Variants in NCAPD3 observed in about 807,000 individuals in gnomAD.
NCAPD3 encodes the protein condensin-2 complex subunit D3.
NCAPD3 carries 105 observed loss-of-function variants against 182.9 expected under a neutral mutation model. That is an observed-to-expected ratio of 0.57 (90% confidence interval 0.49 to 0.68). The LOEUF (loss-of-function observed/expected upper bound fraction) is 0.68, where lower values mean the gene tolerates loss of function less well. Among genes scored for constraint, NCAPD3 ranks in the 30% least tolerant of loss-of-function variants. The probability of loss-of-function intolerance (pLI) is 0.00; values close to 1 mark genes in which losing one functional copy is unlikely to be tolerated. For missense variants in NCAPD3, 1,944 were observed against 1,837.0 expected (o/e 1.06, Z -1.07); for synonymous variants, 815 against 679.9 (o/e 1.20, Z -3.09).
chr11:134,206,482 C>T (rs763300090), intron 8 of NCAPD3, 117 bp downstream of exon 8: 2 of 1,393,944 alleles, frequency 1.4e-6, no homozygotes, highest in South Asian at 1.3e-5. Flanking sequence ...GGTTTTCACC[C>T]CCAAAACCAC....
At chr11:134,200,131 A>G (rs1349210173) in intron 13 of NCAPD3, among the ~76,000 whole-genome samples, 1 of 152,220 alleles carries the variant, frequency 6.6e-6, no homozygotes, top group Admixed American at 6.5e-5. Flanking sequence ...GTGAGAGCTA[A>G]AACTATAAAA....
rs928882959 is a variant in NCAPD3, at chr11:134,204,313, G to A, written c.1090-142C>T. ...TTACGTAAATGACTAATAAATTTTA[G>A]GTTTTAGAACACTTCAAAACTAATC... On this transcript the variant is annotated intron_variant, in intron 9 of 34. Coordinates refer to ENST00000534548, the MANE Select transcript of NCAPD3 (RefSeq NM_015261.3). The surrounding 1 kb of genome is among the most constrained non-coding windows in gnomAD (Gnocchi z 4.3). 4.3e-6 allele frequency: 4 copies of A among 931,256 alleles called. No homozygotes were observed. The African/African-American group carries it at 6.7e-5, about 16-fold the overall frequency. 57.7% of individuals were successfully genotyped at this position (931,256 alleles called of 1,614,324 possible).
chr11:134,168,317 G>C (rs779947780), intron 26 of NCAPD3, 122 bp from the exon 27 acceptor site: 2 of 1,465,470 alleles, frequency 1.4e-6, no homozygotes, highest in Non-Finnish European at 1.9e-6. Flanking sequence ...AGGGTGTTTT[G>C]TCTGGGGCAC....
rs111253809 is a variant in NCAPD3, at chr11:134,223,937, C to G, written c.-11G>C. 6.2e-6 allele frequency: 10 copies of G among 1,611,002 alleles called. No individual in the cohort carries two copies. The highest frequency in any genetic ancestry group is 1.1e-5 in the South Asian group (1 of 90,760). On this transcript the variant is annotated 5_prime_UTR_variant, in exon 1 of 35. Coordinates refer to ENST00000534548, the MANE Select transcript of NCAPD3 (RefSeq NM_015261.3). Reference sequence around the variant, plus strand: ...CCGCAACGCCACCATGATCCCAGGGCACCGGCTCGCCGCCGCCGTGCTCAA... The same window carrying G: ...CCGCAACGCCACCATGATCCCAGGGGACCGGCTCGCCGCCGCCGTGCTCAA...
At chr11:134,186,660 G>C (rs1944412289) in intron 16 of NCAPD3, among the ~76,000 whole-genome samples, 2 of 152,042 alleles carry the variant, frequency 1.3e-5, no homozygotes, top group Admixed American at 6.6e-5. Flanking sequence ...TTAGACTTCT[G>C]GGAAAACACA....
intron 32 of NCAPD3, among the ~76,000 whole-genome samples, chr11:134,154,394 T>C (rs576760423): frequency 3.3e-5 from 5 of 151,934 alleles, no homozygotes; most frequent in Admixed American, 1.3e-4. Context: ...CCTGTTAGGC[T>C]CAGGTGCACG....
At chr11:134,188,505 C>T (rs542931979) in intron 16 of NCAPD3, among the ~76,000 whole-genome samples, 13 of 152,342 alleles carry the variant, frequency 8.5e-5, no homozygotes, top group African/African-American at 2.9e-4. Context: ...CTCTTTGGGT[C>T]CACACTGCCT....
chr11:134,225,073 C>G (rs956847287), upstream of NCAPD3: 1 of 1,530,094 alleles, frequency 6.5e-7, no homozygotes, highest in Non-Finnish European at 8.8e-7. Context: ...AGCCCGCGCC[C>G]CGGTGCGAGG....
At chr11:134,197,834 C>T (rs1456610632) in intron 13 of NCAPD3, among the ~76,000 whole-genome samples, 1 of 152,166 alleles carries the variant, frequency 6.6e-6, no homozygotes, top group Non-Finnish European at 1.5e-5. Flanking sequence ...AATTCCAACA[C>T]CTTTCCATGA....
Position 134,223,005 on chromosome 11 carries a change from G to A in NCAPD3, c.64+858C>T, listed in dbSNP as rs1305875428. ...ACAACCTGCACGGTAATACATGGAT[G>A]CTATGGGGTAGAGCCAAGGGAACAA... On this transcript the variant is annotated intron_variant, in intron 1 of 34. Coordinates refer to ENST00000534548, the MANE Select transcript of NCAPD3 (RefSeq NM_015261.3). 4 of 180,898 alleles carry A rather than the reference G, an allele frequency of 2.2e-5. No homozygotes were observed. The Admixed American group carries it at 2.2e-4, about 10-fold the overall frequency. 11.2% of individuals were successfully genotyped at this position (180,898 alleles called of 1,614,324 possible).
rs527922126 is a variant in NCAPD3, at chr11:134,187,457, C to T, written c.2046-1931G>A. Among the ~76,000 whole-genome samples the T allele has an allele frequency of 2.0e-5, 3 of 152,288 alleles. No individual in the cohort carries two copies. In the South Asian group the frequency reaches 6.2e-4, roughly 32 times the overall value. On this transcript the variant is annotated intron_variant, in intron 16 of 34. Coordinates refer to ENST00000534548, the MANE Select transcript of NCAPD3 (RefSeq NM_015261.3). ...TTCCATCTCCAGCACTCCCTCTGTC[C>T]TCAACCTGCCCGACTTCTGCTCTCC...
chr11:134,154,741 C>T (rs1176578994), intron 32 of NCAPD3, among the ~76,000 whole-genome samples: 2 of 152,206 alleles, frequency 1.3e-5, no homozygotes, highest in Admixed American at 6.5e-5. Context: ...CAAGCACATG[C>T]GAGGAGGCAG....
chr11:134,225,077 T>C, upstream of NCAPD3: 1 of 1,531,990 alleles, frequency 6.5e-7, no homozygotes, highest in Non-Finnish European at 8.8e-7. Flanking sequence ...CGCGCCCCGG[T>C]GCGAGGGAGC....
chr11:134,216,377 G>T (rs1938022369), intron 3 of NCAPD3, among the ~76,000 whole-genome samples: 4 of 152,176 alleles, frequency 2.6e-5, no homozygotes, highest in Admixed American at 2.0e-4. Flanking sequence ...CTCACCCTGT[G>T]TTTGGAGTAG....
chr11:134,205,055 C>T, intron 8 of NCAPD3, 84 bp from the exon 9 acceptor site: 1 of 1,048,396 alleles, frequency 9.5e-7, no homozygotes, highest in Middle Eastern at 2.1e-4. Flanking sequence ...TTTAGAAATC[C>T]TAGTTATTAA....
chr11:134,223,587 GGAA>G (rs1239514843), intron 1 of NCAPD3: 2 of 673,406 alleles, frequency 3.0e-6, no homozygotes, highest in African/African-American at 1.8e-5. Flanking sequence ...GACACGCACA[GGAA>G]GAAGGGGAAG....
intron 20 of NCAPD3, among the ~76,000 whole-genome samples, chr11:134,180,191 C>T (rs377629985): frequency 6.6e-6 from 1 of 152,106 alleles, no homozygotes; most frequent in East Asian, 1.9e-4. Context: ...CATAGTGAGG[C>T]TCTGTATTCC....
In NCAPD3 at chr11:134,178,841, C is replaced by T. The variant is rs150833580; in HGVS notation, c.2655G>A (p.Ser885=). 1.5e-4 allele frequency: 242 copies of T among 1,613,986 alleles called. No individual in the cohort carries two copies. Among genetic ancestry groups the T allele is most frequent in the Non-Finnish European group, 1.7e-4 (198 of 1,180,002 alleles). Residue 885 remains serine, a synonymous_variant, in exon 21 of 35, where the codon TCG becomes TCA. Transcript: ENST00000534548. ...CCTTACAGTGGTCAGCATCAGCAGA[C>T]GAAGCCAGGACGGACTGAATCAGAA... ...IFLLIQSVLA[S]SADADHSPSS...
chr11:134,212,887 GA>G (rs1175850051), intron 3 of NCAPD3, among the ~76,000 whole-genome samples: 1 of 151,932 alleles, frequency 6.6e-6, no homozygotes, highest in Admixed American at 6.6e-5. Context: ...GCAGGAAGAG[GA>G]AAAAATTGAG....
Sources: allele counts gnomAD v4.1 joint callset (sites outside exome capture counted in the v4.1 genomes callset), GRCh38; gene constraint gnomAD v4.1.1; non-coding constraint Gnocchi (gnomAD v3.1); transcripts MANE v1.5; gene names NCBI Gene and HGNC (gene_info 2026-07-23, HGNC 2026-07-21).